The following P2RY14 variants were observed in gnomAD, a reference collection of about 807,000 sequenced individuals.
P2RY14 encodes the protein purinergic receptor P2Y14, also known as P2Y purinoceptor 14.
Under a neutral mutation model 0.9 loss-of-function variants are expected in P2RY14, and 2 were observed. The observed-to-expected ratio is 2.16, with a 90% CI of 0.88 to 6.79. The LOEUF (loss-of-function observed/expected upper bound fraction) is 6.79. Ranked by LOEUF, P2RY14 falls within the 30% of genes most tolerant of loss-of-function variation. P2RY14 has a pLI of 0.05. For missense variants in P2RY14, 378 were observed against 400.1 expected (o/e 0.94, Z 0.47); for synonymous variants, 158 against 147.2 (o/e 1.07, Z -0.53).
intron 1 of P2RY14, among the ~76,000 whole-genome samples, chr3:151,239,137 A>G (rs4680263): frequency 0.3 from 45,928 of 152,120 alleles, 7,047 homozygotes; most frequent in Non-Finnish European, 0.32. Context: ...CTGTAGAATG[A>G]AAAGTGTTTA....
Position 151,242,262 on chromosome 3 carries a change from G to A in P2RY14, c.-132-22620C>T, listed in dbSNP as rs556562293. On this transcript the variant is annotated intron_variant, in intron 1 of 2. Coordinates refer to ENST00000309170, the MANE Select transcript of P2RY14 (RefSeq NM_014879.4). Reference sequence around the variant, plus strand: ...AGCAGCCGGGAAGCTCAAACTGGGCGGAGCCCACCACAGCTCAAGGAGGCC... The same window carrying A: ...AGCAGCCGGGAAGCTCAAACTGGGCAGAGCCCACCACAGCTCAAGGAGGCC... 1.1e-3 allele frequency among the ~76,000 whole-genome samples: 171 copies of A among 152,360 alleles called. 2 individuals are homozygous for A. The highest frequency in any genetic ancestry group is 3.6e-3 in the African/African-American group (150 of 41,590).
At chr3:151,217,023 A>G (rs1728372524) in intron 2 of P2RY14, among the ~76,000 whole-genome samples, 1 of 152,192 alleles carries the variant, frequency 6.6e-6, no homozygotes, top group Non-Finnish European at 1.5e-5. Context: ...CATGGTAGGT[A>G]CTGAGTACTT....
chr3:151,269,222 G>A (rs555857638), intron 1 of P2RY14, among the ~76,000 whole-genome samples: 1 of 152,180 alleles, frequency 6.6e-6, no homozygotes, highest in Admixed American at 6.5e-5. Context: ...CCAACATGCA[G>A]AAACCCCATC....
chr3:151,270,899 A>T (rs182979437), intron 1 of P2RY14, among the ~76,000 whole-genome samples: 1 of 152,268 alleles, frequency 6.6e-6, no homozygotes, highest in East Asian at 1.9e-4. Flanking sequence ...GTACCTGTCT[A>T]TTTTAAAATT....
chr3:151,248,146 A>G (rs763917648), intron 1 of P2RY14, among the ~76,000 whole-genome samples: 1 of 151,922 alleles, frequency 6.6e-6, no homozygotes, highest in Non-Finnish European at 1.5e-5. Context: ...AATGCTATGA[A>G]TGTTTGTTAT....
chr3:151,233,998 C>G (rs942590161), intron 1 of P2RY14, among the ~76,000 whole-genome samples: 8 of 152,162 alleles, frequency 5.3e-5, no homozygotes, highest in Non-Finnish European at 1.0e-4. Context: ...TTTAAAAAGT[C>G]TATCACTTTG....
Position 151,213,475 on chromosome 3 carries a change from A to C in P2RY14, c.842T>G (p.Leu281Arg). The C allele has an allele frequency of 6.2e-7, 1 of 1,614,202 alleles. No individual in the cohort carries two copies. Among genetic ancestry groups the C allele is most frequent in the Non-Finnish European group, 8.5e-7 (1 of 1,180,012 alleles). Residue 281 changes from leucine (L) to arginine (R), a missense_variant, in exon 3 of 3, where the codon CTG (leucine) becomes CGG (arginine). Transcript: ENST00000309170. ...EILRYMKEFT[L>R]LLSAANVCLD... ...GCATACATTTGCAGCAGATAGTAGC[A>C]GAGTGAATTCTTTCATATACCGCAA... is the stretch of plus-strand genomic sequence containing the variant.
At chr3:151,258,412 A>C (rs529254530) in intron 1 of P2RY14, among the ~76,000 whole-genome samples, 1 of 152,290 alleles carries the variant, frequency 6.6e-6, no homozygotes, top group South Asian at 2.1e-4. Flanking sequence ...TATTTTCTTG[A>C]AGAATAAAAT....
chr3:151,224,372 A>G (rs1730053610), intron 1 of P2RY14, among the ~76,000 whole-genome samples: 1 of 151,784 alleles, frequency 6.6e-6, no homozygotes, highest in Non-Finnish European at 1.5e-5. Flanking sequence ...GATGTATGTA[A>G]TCATTTATAC....
chr3:151,250,681 G>A (rs976981986), intron 1 of P2RY14, among the ~76,000 whole-genome samples: 2 of 152,120 alleles, frequency 1.3e-5, no homozygotes, highest in Non-Finnish European at 2.9e-5. Context: ...CATAGTCCTT[G>A]GGTAGCATCC....
intron 1 of P2RY14, among the ~76,000 whole-genome samples, chr3:151,252,548 A>G (rs1194743387): frequency 6.6e-6 from 1 of 152,204 alleles, no homozygotes; most frequent in African/African-American, 2.4e-5. Flanking sequence ...ATAAAAGTAA[A>G]GATGTGTTGC....
intron 1 of P2RY14, among the ~76,000 whole-genome samples, chr3:151,274,459 A>G (rs1344589741): frequency 6.6e-6 from 1 of 152,108 alleles, no homozygotes; most frequent in African/African-American, 2.4e-5. Flanking sequence ...GAGGCAGTGA[A>G]ATCCTTGTGC....
At position 151,266,717 on chromosome 3, in the gene P2RY14, G is replaced by T. The variant is rs539290203; in HGVS notation, c.-133+11570C>A. Among the ~76,000 whole-genome samples the T allele has an allele frequency of 3.3e-5, 5 of 152,298 alleles. No individual in the cohort carries two copies. In the South Asian group the frequency reaches 1.0e-3, roughly 32 times the overall value. ...CCATGGGAGGAAAGCTTTGGGACTT[G>T]GTGGCTTGGCACAGGGAAAAATAAA... On this transcript the variant is annotated intron_variant, in intron 1 of 2. Coordinates refer to ENST00000309170, the MANE Select transcript of P2RY14 (RefSeq NM_014879.4).
intron 1 of P2RY14, among the ~76,000 whole-genome samples, chr3:151,270,297 G>C (rs1313431153): frequency 1.4e-5 from 2 of 146,368 alleles, no homozygotes; most frequent in African/African-American, 5.1e-5. Context: ...CTACACCACA[G>C]CTCTCAACTT....
At chr3:151,230,713 A>C (rs1358237597) in intron 1 of P2RY14, among the ~76,000 whole-genome samples, 4 of 152,132 alleles carry the variant, frequency 2.6e-5, no homozygotes, top group African/African-American at 9.7e-5. Flanking sequence ...CAAAGTCCTT[A>C]ATAAAAAAAA....
At chr3:151,259,272 A>G (rs537691073) in intron 1 of P2RY14, among the ~76,000 whole-genome samples, 14 of 152,328 alleles carry the variant, frequency 9.2e-5, no homozygotes, top group African/African-American at 3.4e-4. Flanking sequence ...CTTCAGAAAT[A>G]GGCACTCCTT....
chr3:151,237,045 C>CT (rs56926535), intron 1 of P2RY14, among the ~76,000 whole-genome samples: 6,740 of 125,794 alleles, frequency 0.054, 214 homozygotes, highest in Non-Finnish European at 0.066. Context: ...TGATGCCAAA[C>CT]TTTTTTTTTT....
At position 151,218,899 on chromosome 3, in the gene P2RY14, AG is replaced by A. The variant is rs997528177; in HGVS notation, c.-25+635del. On this transcript the variant is annotated intron_variant, in intron 2 of 2. Transcript: ENST00000309170. ...AAAAAAAAAAAAAAAAAAAAAAAAG[AG>A]GGGGGGTATACTGTAATAGTGTAAG... 9.4e-5 allele frequency among the ~76,000 whole-genome samples: 11 copies of A among 117,548 alleles called. No individual in the cohort carries two copies. The East Asian group carries it at 1.0e-3, about 11-fold the overall frequency. The allele number at this position is 117,548 out of a possible 152,430, so 77.1% of individuals were successfully genotyped here.
intron 1 of P2RY14, among the ~76,000 whole-genome samples, chr3:151,234,346 G>T (rs1732298918): frequency 6.6e-6 from 1 of 152,242 alleles, no homozygotes; most frequent in African/African-American, 2.4e-5. Context: ...AAAGCCTAGA[G>T]AGCTTGAATA....
Sources: allele counts gnomAD v4.1 joint callset (sites outside exome capture counted in the v4.1 genomes callset), GRCh38; gene constraint gnomAD v4.1.1; transcripts MANE v1.5; gene names NCBI Gene and HGNC (gene_info 2026-07-23, HGNC 2026-07-21).